The following STX17 variants were observed in gnomAD, a reference collection of about 807,000 sequenced individuals.
STX17 encodes syntaxin-17.
A neutral mutation model predicts 35.9 loss-of-function variants in STX17; 29 were observed. The observed-to-expected ratio is 0.81, with a 90% CI of 0.60 to 1.10. The LOEUF (loss-of-function observed/expected upper bound fraction) is 1.10. Among genes scored for constraint, STX17 ranks in the 50% least tolerant of loss-of-function variants. The pLI is 0.00. For synonymous variants in STX17, 92 were observed against 118.3 expected (o/e 0.78, Z 1.44); for missense variants, 312 against 352.3 (o/e 0.89, Z 0.92).
At chr9:99,937,195 C>G (rs1312795057) in intron 3 of STX17, among the ~76,000 whole-genome samples, 1 of 151,956 alleles carries the variant, frequency 6.6e-6, no homozygotes, top group Admixed American at 6.6e-5. Context: ...TTCCTTTAAT[C>G]TCTGGTTTTG....
chr9:99,956,129 C>T (rs1253661391), intron 4 of STX17, among the ~76,000 whole-genome samples: 1 of 152,042 alleles, frequency 6.6e-6, no homozygotes, highest in East Asian at 1.9e-4. Context: ...GAGCACAGAC[C>T]TCTTTGTTCT....
intron 4 of STX17, among the ~76,000 whole-genome samples, chr9:99,954,202 A>G (rs142681552): frequency 6.6e-6 from 1 of 152,160 alleles, no homozygotes; most frequent in East Asian, 1.9e-4. Context: ...AAAAAATTAA[A>G]TCTCTATAAC....
chr9:99,915,249 G>A lies in STX17; in HGVS notation c.10G>A (p.Asp4Asn), dbSNP rs201265642. The change falls in exon 2 of 8, where the codon GAT becomes AAT. Residue 4 changes from aspartate (D) to asparagine (N), a missense_variant. Coordinates refer to ENST00000259400, the MANE Select transcript of STX17 (RefSeq NM_017919.3). ...ACAACATTTTTTTAGGATGTCTGAA[G>A]ATGAAGAAAAAGTGAAATTACGCCG... MSE[D>N]EEKVKLRRLE... The A allele has an allele frequency of 4.3e-6, 7 of 1,610,546 alleles. No homozygotes were observed. Among genetic ancestry groups the A allele is most frequent in the Non-Finnish European group, 5.9e-6 (7 of 1,178,436 alleles).
At chr9:99,912,803 G>C (rs1420357096) in intron 1 of STX17, among the ~76,000 whole-genome samples, 1 of 151,946 alleles carries the variant, frequency 6.6e-6, no homozygotes, top group African/African-American at 2.4e-5. Flanking sequence ...TATTTTCTTT[G>C]TTCTTTCATC....
intron 2 of STX17, among the ~76,000 whole-genome samples, chr9:99,920,149 G>A (rs1313842543): frequency 1.3e-5 from 2 of 152,180 alleles, no homozygotes; most frequent in African/African-American, 4.8e-5. Context: ...TCTGATAAAT[G>A]TGGTAATTCC....
intron 3 of STX17, among the ~76,000 whole-genome samples, chr9:99,932,170 C>G (rs1829139617): frequency 6.6e-6 from 1 of 152,100 alleles, no homozygotes; most frequent in South Asian, 2.1e-4. Context: ...GTTTCTGAAT[C>G]TAGAGTCAGT....
chr9:99,962,979 C>T (rs765083331), intron 6 of STX17, among the ~76,000 whole-genome samples: 35 of 152,134 alleles, frequency 2.3e-4, no homozygotes, highest in Non-Finnish European at 3.7e-4. Context: ...ATTTAAGGAA[C>T]ACTTTCTATC....
chr9:99,959,956 G>A lies in STX17; in HGVS notation c.455G>A (p.Ser152Asn). The A allele has an allele frequency of 6.2e-7, 1 of 1,613,924 alleles. No homozygotes were observed. The highest frequency in any genetic ancestry group is 1.1e-5 in the South Asian group (1 of 91,004). ...HTTEAEASSQ[S>N]LTQIYALPEI... is the part of the protein sequence containing the mutation. ...ACTGAAGCTGAAGCTAGTTCTCAGA[G>A]TTTGACTCAGATATATGCCTTACCT... The change falls in exon 5 of 8, where the codon AGT becomes AAT. Residue 152 changes from serine (S) to asparagine (N), a missense_variant. Coordinates refer to ENST00000259400, the MANE Select transcript of STX17 (RefSeq NM_017919.3).
At chr9:99,921,837 G>A (rs540312948) in intron 2 of STX17, among the ~76,000 whole-genome samples, 1 of 151,864 alleles carries the variant, frequency 6.6e-6, no homozygotes, top group Non-Finnish European at 1.5e-5. Context: ...CTGTTGACTT[G>A]AACTCATCTG....
In STX17 at chr9:99,974,464, T is replaced by C. The variant is rs1382010560; in HGVS notation, c.*5791T>C. ...AACTCTGTAAAGCTTACTGAATTCATTTGTCATTTATTACATTGCTGAGTG... is the reference window on the plus strand; with the variant it reads ...AACTCTGTAAAGCTTACTGAATTCACTTGTCATTTATTACATTGCTGAGTG... On this transcript the variant is annotated 3_prime_UTR_variant, in exon 8 of 8. Coordinates refer to ENST00000259400, the MANE Select transcript of STX17 (RefSeq NM_017919.3). 6.6e-6 allele frequency among the ~76,000 whole-genome samples: 1 copy of C among 152,216 alleles called. No individual in the cohort carries two copies. Among genetic ancestry groups the C allele is most frequent in the African/African-American group, 2.4e-5 (1 of 41,452 alleles).
At chr9:99,966,835 A>G (rs1829921780) in intron 6 of STX17, among the ~76,000 whole-genome samples, 1 of 152,216 alleles carries the variant, frequency 6.6e-6, no homozygotes, top group South Asian at 2.1e-4. Flanking sequence ...GTGTCACTGG[A>G]GGTATCTGAG....
intron 3 of STX17, among the ~76,000 whole-genome samples, chr9:99,931,881 G>A (rs529860389): frequency 1.2e-4 from 18 of 151,866 alleles, no homozygotes; most frequent in Non-Finnish European, 1.9e-4. Context: ...TTTGTCTATG[G>A]GTGTAATAGG....
Position 99,968,500 on chromosome 9 carries a change from C to G in STX17, c.736C>G (p.Pro246Ala). The stretch of plus-strand genomic sequence containing the variant: ...ACTCATCGGGGGAATGGTAGGGGGT[C>G]CTATTGGCCTCCTTGCAGGCTTCAA... ...GALIGGMVGG[P>A]IGLLAGFKVA... Residue 246 changes from proline to alanine, a missense_variant, in exon 8 of 8, where the codon CCT (proline) becomes GCT (alanine). Pro to Ala is a conservative substitution (Grantham distance 27). Transcript: ENST00000259400. 1 of 1,610,934 alleles carries G rather than the reference C, an allele frequency of 6.2e-7. No individual in the cohort carries two copies. The highest frequency in any genetic ancestry group is 1.1e-5 in the South Asian group (1 of 90,632).
At chr9:99,940,282 C>G (rs1007571398) in intron 3 of STX17, among the ~76,000 whole-genome samples, 1 of 151,768 alleles carries the variant, frequency 6.6e-6, no homozygotes, top group Non-Finnish European at 1.5e-5. Flanking sequence ...AGGTGCCCAC[C>G]ACCATGCCTG....
chr9:99,934,690 A>G (rs189005390), intron 3 of STX17, among the ~76,000 whole-genome samples: 2 of 152,318 alleles, frequency 1.3e-5, no homozygotes, highest in Non-Finnish European at 1.5e-5. Flanking sequence ...AAGAAATCAG[A>G]TTAATTATTA....
chr9:99,918,025 A>G (rs1257868157), intron 2 of STX17, among the ~76,000 whole-genome samples: 1 of 152,124 alleles, frequency 6.6e-6, no homozygotes, highest in African/African-American at 2.4e-5. Flanking sequence ...TGTGTGTAAA[A>G]TGGCTACTCC....
intron 6 of STX17, among the ~76,000 whole-genome samples, chr9:99,962,644 G>A (rs1372126167): frequency 6.6e-6 from 1 of 152,190 alleles, no homozygotes; most frequent in East Asian, 1.9e-4. Flanking sequence ...ATAGTTACAT[G>A]TTTGATTATA....
intron 1 of STX17, among the ~76,000 whole-genome samples, chr9:99,911,971 A>G (rs1828674785): frequency 6.6e-6 from 1 of 152,220 alleles, no homozygotes; most frequent in African/African-American, 2.4e-5. Context: ...TCACGCCTGT[A>G]ATCCCGGCAC....
intron 3 of STX17, among the ~76,000 whole-genome samples, chr9:99,944,279 G>GT (rs1201189326): frequency 6.6e-6 from 1 of 151,612 alleles, no homozygotes; most frequent in East Asian, 1.9e-4. Flanking sequence ...ATTGTATTAT[G>GT]TTTGTTTTTC....
Sources: allele counts gnomAD v4.1 joint callset (sites outside exome capture counted in the v4.1 genomes callset), GRCh38; gene constraint gnomAD v4.1.1; transcripts MANE v1.5; gene names NCBI Gene and HGNC (gene_info 2026-07-23, HGNC 2026-07-21).